NRXN1: variants seen among roughly 807,000 people sequenced by gnomAD.
The protein encoded by NRXN1 is neurexin-1.
A neutral mutation model predicts 150.9 loss-of-function variants in NRXN1; 39 were observed. The ratio of observed to expected loss-of-function variants is 0.26; its 90% CI spans 0.20 to 0.34. The LOEUF (loss-of-function observed/expected upper bound fraction) is 0.34. NRXN1 is among the 10% of genes least tolerant of loss of function. NRXN1 has a pLI of 1.00. For synonymous variants in NRXN1, 924 were observed against 757.0 expected (o/e 1.22, Z -3.62); for missense variants, 1,815 against 1,949.9 (o/e 0.93, Z 1.30).
chr2:50,153,016 A>AT (rs2058784888), intron 18 of NRXN1, among the ~76,000 whole-genome samples: 1 of 151,202 alleles, frequency 6.6e-6, no homozygotes, highest in African/African-American at 2.4e-5. Context: ...TTCTCCAATC[A>AT]TTTTTTACTT....
At chr2:50,745,014 G>C (rs1000370678) in intron 5 of NRXN1, among the ~76,000 whole-genome samples, 2 of 152,034 alleles carry the variant, frequency 1.3e-5, no homozygotes, top group Non-Finnish European at 1.5e-5. Context: ...TAAGCACATA[G>C]TCTCCAACTG....
chr2:50,990,417 A>G (rs532923964), intron 2 of NRXN1, among the ~76,000 whole-genome samples: 39 of 152,122 alleles, frequency 2.6e-4, no homozygotes, highest in African/African-American at 9.1e-4. Context: ...AGCTCATTAC[A>G]CTTTTCTTAT....
intron 5 of NRXN1, among the ~76,000 whole-genome samples, chr2:50,665,817 G>A (rs1217002940): frequency 6.6e-6 from 1 of 151,712 alleles, no homozygotes; most frequent in Non-Finnish European, 1.5e-5. Context: ...GTGAAAAAAA[G>A]GTGAAAACCT....
intron 5 of NRXN1, among the ~76,000 whole-genome samples, chr2:50,694,356 C>T (rs1255384456): frequency 6.6e-6 from 1 of 152,034 alleles, no homozygotes; most frequent in Admixed American, 6.6e-5. Context: ...ATCGGTTTCC[C>T]TCTTAATGTA....
chr2:50,082,716 T>C (rs192868702), intron 19 of NRXN1, among the ~76,000 whole-genome samples: 1 of 152,210 alleles, frequency 6.6e-6, no homozygotes, highest in Non-Finnish European at 1.5e-5. Flanking sequence ...CATGAGTTGC[T>C]ATCCTACTTT....
At chr2:50,369,997 T>C (rs904673207) in intron 17 of NRXN1, among the ~76,000 whole-genome samples, 8 of 152,064 alleles carry the variant, frequency 5.3e-5, no homozygotes, top group Non-Finnish European at 8.8e-5. Flanking sequence ...AATGTATCTC[T>C]TCATAAAAGA....
At chr2:51,024,701 A>T (rs1411878300) in intron 2 of NRXN1, among the ~76,000 whole-genome samples, 1 of 152,156 alleles carries the variant, frequency 6.6e-6, no homozygotes, top group East Asian at 1.9e-4. Flanking sequence ...ATCTTATTAT[A>T]GTCTTACTTT....
chr2:50,779,576 G>A (rs969456647), intron 5 of NRXN1, among the ~76,000 whole-genome samples: 4 of 152,064 alleles, frequency 2.6e-5, no homozygotes, highest in Admixed American at 2.6e-4. Context: ...AGACCATCCT[G>A]GTTAACATGG....
intron 21 of NRXN1, among the ~76,000 whole-genome samples, chr2:49,983,490 A>G (rs1378668755): frequency 6.6e-6 from 1 of 151,990 alleles, no homozygotes; most frequent in African/African-American, 2.4e-5. Flanking sequence ...TATACTTTTA[A>G]TATTTATATA....
At chr2:51,018,488 C>A (rs1179436794) in intron 2 of NRXN1, among the ~76,000 whole-genome samples, 1 of 152,084 alleles carries the variant, frequency 6.6e-6, no homozygotes, top group Non-Finnish European at 1.5e-5. Flanking sequence ...TGAAATAGTA[C>A]AGGGCATTCA....
At chr2:50,644,697 A>C (rs1684553417) in intron 5 of NRXN1, among the ~76,000 whole-genome samples, 1 of 151,222 alleles carries the variant, frequency 6.6e-6, no homozygotes, top group Admixed American at 6.6e-5. Context: ...TCAGTAAATA[A>C]AAATTTTGCA....
chr2:50,605,321 T>C (rs1676912538), intron 8 of NRXN1, among the ~76,000 whole-genome samples: 1 of 152,198 alleles, frequency 6.6e-6, no homozygotes, highest in Admixed American at 6.6e-5. Context: ...TTATCCATAT[T>C]TGTAAATCCA....
At chr2:50,070,323 G>C (rs1573730933) in intron 19 of NRXN1, among the ~76,000 whole-genome samples, 1 of 152,130 alleles carries the variant, frequency 6.6e-6, no homozygotes, top group South Asian at 2.1e-4. Flanking sequence ...CTCTTTGCAA[G>C]CCCTTTTTGT....
chr2:50,167,811 C>G (rs527523914), intron 18 of NRXN1, among the ~76,000 whole-genome samples: 1 of 152,226 alleles, frequency 6.6e-6, no homozygotes, highest in South Asian at 2.1e-4. Context: ...GTGATAATTT[C>G]AAGAGCTCCC....
At chr2:50,261,325 G>T (rs182417605) in intron 17 of NRXN1, among the ~76,000 whole-genome samples, 8 of 151,800 alleles carry the variant, frequency 5.3e-5, no homozygotes, top group Admixed American at 4.0e-4. Flanking sequence ...CTTAACAAGT[G>T]TATATAACAA....
intron 21 of NRXN1, chr2:50,022,747 T>A (rs1442699520): frequency 1.3e-5 from 2 of 152,224 alleles, no homozygotes; most frequent in African/African-American, 4.8e-5. Context: ...TGTTTTGTAT[T>A]TAGTTATACT....
intron 2 of NRXN1, among the ~76,000 whole-genome samples, chr2:50,964,772 T>C (rs1013970873): frequency 2.6e-5 from 4 of 151,588 alleles, no homozygotes; most frequent in African/African-American, 7.2e-5. Flanking sequence ...CATAAAAACA[T>C]TGTTAAATAA....
intron 19 of NRXN1, among the ~76,000 whole-genome samples, chr2:50,063,424 T>C (rs1694866187): frequency 6.6e-6 from 1 of 152,072 alleles, no homozygotes; most frequent in Non-Finnish European, 1.5e-5. Flanking sequence ...ACTCTTTAAA[T>C]TAGTCACTTT....
intron 17 of NRXN1, among the ~76,000 whole-genome samples, chr2:50,259,928 CT>C (rs2152909603): frequency 6.6e-6 from 1 of 151,864 alleles, no homozygotes; most frequent in Admixed American, 6.6e-5. Context: ...GCAATAGGAT[CT>C]AGTGTAACGC....
Sources: allele counts gnomAD v4.1 joint callset (sites outside exome capture counted in the v4.1 genomes callset), GRCh38; gene constraint gnomAD v4.1.1; transcripts MANE v1.5; gene names NCBI Gene and HGNC (gene_info 2026-07-23, HGNC 2026-07-21).